Variants in NCKAP5 observed in about 807,000 individuals in gnomAD.
NCKAP5 encodes NCK associated protein 5, also known as nck-associated protein 5.
Under a neutral mutation model 167.0 loss-of-function variants are expected in NCKAP5, and 92 were observed. The ratio of observed to expected loss-of-function variants is 0.55; its 90% CI spans 0.47 to 0.66. The LOEUF (loss-of-function observed/expected upper bound fraction) is 0.66. Among genes scored for constraint, NCKAP5 ranks in the 30% least tolerant of loss-of-function variants. NCKAP5 has a pLI of 0.00. For synonymous variants in NCKAP5, 891 were observed against 877.4 expected (o/e 1.02, Z -0.27); for missense variants, 2,378 against 2,315.0 (o/e 1.03, Z -0.56).
chr2:133,535,382 A>G (rs1685682768), intron 2 of NCKAP5, among the ~76,000 whole-genome samples: 1 of 152,066 alleles, frequency 6.6e-6, no homozygotes. Context: ...AAGTGAGAAC[A>G]TACGATATTT....
intron 14 of NCKAP5, 86 bp downstream of exon 14, chr2:132,781,854 G>T: frequency 7.9e-7 from 1 of 1,268,204 alleles, no homozygotes; most frequent in Non-Finnish European, 1.1e-6. Flanking sequence ...TGCTTGACTG[G>T]CCTTTAATGC....
the NCKAP5 span, among the ~76,000 whole-genome samples, chr2:133,610,685 TAA>T: frequency 2.6e-5 from 4 of 152,076 alleles, no homozygotes; most frequent in Admixed American, 2.6e-4. Flanking sequence ...TAAAAGTTAA[TAA>T]ACACACACAC....
At chr2:133,127,230 A>T (rs1293563326) in intron 6 of NCKAP5, among the ~76,000 whole-genome samples, 2 of 152,248 alleles carry the variant, frequency 1.3e-5, no homozygotes, top group Non-Finnish European at 2.9e-5. Flanking sequence ...TTATTTAAAC[A>T]TAACTAGAAA....
At chr2:133,181,382 A>T (rs977971662) in intron 5 of NCKAP5, among the ~76,000 whole-genome samples, 6 of 152,106 alleles carry the variant, frequency 3.9e-5, no homozygotes, top group Admixed American at 2.0e-4. Context: ...ACATGTTTAC[A>T]TGCAAGGAAA....
At chr2:132,709,370 TGGTGG>T (rs1688647208) in intron 19 of NCKAP5, among the ~76,000 whole-genome samples, 1 of 151,382 alleles carries the variant, frequency 6.6e-6, no homozygotes, top group South Asian at 2.1e-4. Flanking sequence ...TAAAATGGGG[TGGTGG>T]TAGAGGGGCA....
rs372320583 is a variant in NCKAP5, at chr2:132,760,570, T to A, written c.5128+13246A>T. 2.0e-5 allele frequency among the ~76,000 whole-genome samples: 3 copies of A among 151,986 alleles called. No homozygotes were observed. The East Asian group carries it at 5.8e-4, about 29-fold the overall frequency. On this transcript the variant is annotated intron_variant, in intron 16 of 19. Coordinates refer to ENST00000409261, the MANE Select transcript of NCKAP5 (RefSeq NM_207363.3). Reference sequence around the variant, plus strand: ...GTCTTTGGAGGACTCATTCTGTGTATTATTGCTTTTTTCTGACTCTCACTA... The same window carrying A: ...GTCTTTGGAGGACTCATTCTGTGTAATATTGCTTTTTTCTGACTCTCACTA...
At chr2:133,636,794 G>A in the NCKAP5 span, among the ~76,000 whole-genome samples, 20 of 152,222 alleles carry the variant, frequency 1.3e-4, no homozygotes, top group East Asian at 3.9e-4. Flanking sequence ...AACAGGACAC[G>A]AAGCCTCCAC....
chr2:132,772,970 G>T (rs1426854531), intron 16 of NCKAP5, among the ~76,000 whole-genome samples: 2 of 152,180 alleles, frequency 1.3e-5, no homozygotes, highest in African/African-American at 4.8e-5. Context: ...TGGACACTGG[G>T]GATCTGTGGG....
the NCKAP5 span, among the ~76,000 whole-genome samples, chr2:133,624,267 G>A: frequency 6.6e-6 from 1 of 151,920 alleles, no homozygotes; most frequent in Non-Finnish European, 1.5e-5. Flanking sequence ...AAAACCTATT[G>A]AAAACATTTT....
chr2:133,386,993 T>C (rs950608420), intron 3 of NCKAP5, among the ~76,000 whole-genome samples: 11 of 152,222 alleles, frequency 7.2e-5, no homozygotes, highest in African/African-American at 2.7e-4. Flanking sequence ...GTCTTGACTC[T>C]TATCCAATTT....
intron 8 of NCKAP5, among the ~76,000 whole-genome samples, chr2:132,879,836 A>G (rs1374823186): frequency 5.3e-5 from 8 of 152,246 alleles, no homozygotes; most frequent in Non-Finnish European, 8.8e-5. Context: ...TAGGTGGTAC[A>G]CAGATCAACA....
intron 3 of NCKAP5, among the ~76,000 whole-genome samples, chr2:133,395,815 T>C (rs1453732969): frequency 6.6e-6 from 1 of 152,098 alleles, no homozygotes; most frequent in East Asian, 1.9e-4. Context: ...GGCTATTTTT[T>C]AAATTTTTTT....
At chr2:133,423,494 C>T (rs1410639168) in intron 3 of NCKAP5, among the ~76,000 whole-genome samples, 2 of 152,084 alleles carry the variant, frequency 1.3e-5, no homozygotes, top group East Asian at 1.9e-4. Flanking sequence ...TGCTTACTAA[C>T]ATATAACACA....
chr2:133,598,140 C>T, the NCKAP5 span, among the ~76,000 whole-genome samples: 5 of 152,160 alleles, frequency 3.3e-5, no homozygotes, highest in Non-Finnish European at 5.9e-5. Context: ...TTTCCTCATC[C>T]CTGTAATGAG....
intron 5 of NCKAP5, among the ~76,000 whole-genome samples, chr2:133,176,201 A>T (rs2084453623): frequency 1.3e-5 from 2 of 152,248 alleles, no homozygotes; most frequent in Non-Finnish European, 2.9e-5. Context: ...CACAGCAGGT[A>T]ATATGGCAAA....
At chr2:132,871,704 C>T (rs944287369) in intron 9 of NCKAP5, among the ~76,000 whole-genome samples, 2 of 152,152 alleles carry the variant, frequency 1.3e-5, no homozygotes, top group Non-Finnish European at 2.9e-5. Context: ...AAATTATTTG[C>T]TCCTCTTGAA....
In NCKAP5 at chr2:133,115,775, GTATATATATATATATATATATATA is replaced by G. The variant is rs10683280; in HGVS notation, c.341+14179_341+14202del. Among the ~76,000 whole-genome samples the G allele has an allele frequency of 1.5e-3, 145 of 94,300 alleles. 3 individuals are homozygous for G. The highest frequency in any genetic ancestry group is 4.7e-3 in the African/African-American group (134 of 28,678). The allele number at this position is 94,300 out of a possible 152,430, so 61.9% of individuals were successfully genotyped here. ...TAAATTGAAGTATATATGTGTGTGTGTATATATATATATATATATATATATATATATATATATATATAGTGTTCA... is the reference window on the plus strand; with the variant it reads ...TAAATTGAAGTATATATGTGTGTGTGTATATATATATATATATAGTGTTCA... On this transcript the variant is annotated intron_variant, in intron 6 of 19. Coordinates refer to ENST00000409261, the MANE Select transcript of NCKAP5 (RefSeq NM_207363.3).
At chr2:133,015,602 T>A (rs1424002180) in intron 6 of NCKAP5, among the ~76,000 whole-genome samples, 1 of 152,170 alleles carries the variant, frequency 6.6e-6, no homozygotes, top group Non-Finnish European at 1.5e-5. Flanking sequence ...ATGTGCATCA[T>A]CTCCTGGAGC....
chr2:133,542,941 A>T (rs1686350772), intron 2 of NCKAP5, among the ~76,000 whole-genome samples: 1 of 152,212 alleles, frequency 6.6e-6, no homozygotes, highest in South Asian at 2.1e-4. Context: ...CATAGGTAGG[A>T]TCATAATACT....
Sources: allele counts gnomAD v4.1 joint callset (sites outside exome capture counted in the v4.1 genomes callset), GRCh38; gene constraint gnomAD v4.1.1; transcripts MANE v1.5; gene names NCBI Gene and HGNC (gene_info 2026-07-23, HGNC 2026-07-21).